The following TMEM132D variants were observed in gnomAD, a reference collection of about 807,000 sequenced individuals.
TMEM132D encodes the protein mature OL transmembrane protein.
Under a neutral mutation model 62.3 loss-of-function variants are expected in TMEM132D, and 21 were observed. The ratio of observed to expected loss-of-function variants is 0.34; its 90% CI spans 0.24 to 0.49. TMEM132D has a LOEUF of 0.49. Among genes scored for constraint, TMEM132D ranks in the 20% least tolerant of loss-of-function variants. The pLI is 0.99. For synonymous variants in TMEM132D, 621 were observed against 575.6 expected (o/e 1.08, Z -1.13); for missense variants, 1,346 against 1,402.8 (o/e 0.96, Z 0.65).
At chr12:129,796,316 C>T (rs1293410048) in intron 1 of TMEM132D, among the ~76,000 whole-genome samples, 1 of 151,976 alleles carries the variant, frequency 6.6e-6, no homozygotes, top group Non-Finnish European at 1.5e-5. Context: ...CTCATTTGTT[C>T]CAATTTTTGT....
In TMEM132D at chr12:129,477,055, A is replaced by G. The variant is rs185172686; in HGVS notation, c.1115+54004T>C. On this transcript the variant is annotated intron_variant, in intron 3 of 8. Transcript: ENST00000422113. ...TGGTTTACGATCTCCTGGTTTCAGG[A>G]CGGTGCTTTTCTATGCACAAGAACT... Among the ~76,000 whole-genome samples, 8 of 152,256 alleles carry G rather than the reference A, an allele frequency of 5.3e-5. No homozygotes were observed. The East Asian group carries it at 1.5e-3, about 29-fold the overall frequency.
intron 5 of TMEM132D, among the ~76,000 whole-genome samples, chr12:129,188,082 C>T (rs148104103): frequency 2.6e-5 from 4 of 152,374 alleles, no homozygotes; most frequent in Non-Finnish European, 5.9e-5. Flanking sequence ...CACCCATCCT[C>T]TTTGCAACAG....
chr12:129,368,234 A>G (rs1375072975), intron 3 of TMEM132D, among the ~76,000 whole-genome samples: 2 of 143,068 alleles, frequency 1.4e-5, no homozygotes, highest in African/African-American at 2.6e-5. Context: ...CTGAAGATCT[A>G]CATATGCAAA....
At chr12:129,316,289 A>G (rs1214775833) in intron 4 of TMEM132D, among the ~76,000 whole-genome samples, 1 of 152,112 alleles carries the variant, frequency 6.6e-6, no homozygotes, top group Non-Finnish European at 1.5e-5. Context: ...TTAGGGTTAC[A>G]AACACTCCTC....
intron 4 of TMEM132D, among the ~76,000 whole-genome samples, chr12:129,255,277 T>C (rs760147373): frequency 3.9e-5 from 6 of 152,296 alleles, no homozygotes; most frequent in Admixed American, 2.0e-4. Flanking sequence ...TTCTTTATAG[T>C]AGTGTGAGAA....
chr12:129,842,523 C>A (rs1020696913), intron 1 of TMEM132D, among the ~76,000 whole-genome samples: 1 of 151,940 alleles, frequency 6.6e-6, no homozygotes, highest in East Asian at 1.9e-4. Flanking sequence ...GGCTGGAGTG[C>A]AGTAGTGTGA....
rs75429938 is a variant in TMEM132D, at chr12:129,560,215, C to G, written c.969-29010G>C. On this transcript the variant is annotated intron_variant, in intron 2 of 8. Coordinates refer to ENST00000422113, the MANE Select transcript of TMEM132D (RefSeq NM_133448.3). The stretch of plus-strand genomic sequence containing the variant: ...TTGAAAACACTTAACATTCAACATG[C>G]ATCTTCTTTGTGTCTGACACTTGTT... Among the ~76,000 whole-genome samples, 1,303 of 152,080 alleles carry G rather than the reference C, an allele frequency of 8.6e-3. 16 individuals are homozygous for G. The highest frequency in any genetic ancestry group is 0.028 in the African/African-American group (1,164 of 41,492).
intron 5 of TMEM132D, among the ~76,000 whole-genome samples, chr12:129,172,724 A>G (rs1002488786): frequency 1.4e-4 from 21 of 152,138 alleles, no homozygotes; most frequent in African/African-American, 4.8e-4. Context: ...GATTACAGGC[A>G]TGCACCACCA....
intron 2 of TMEM132D, among the ~76,000 whole-genome samples, chr12:129,639,505 C>G (rs937057325): frequency 2.6e-5 from 4 of 151,794 alleles, no homozygotes; most frequent in Admixed American, 2.6e-4. Context: ...AGTTCCTGCT[C>G]ATTTTCTTTC....
At chr12:129,646,600 A>G (rs1306876585) in intron 2 of TMEM132D, among the ~76,000 whole-genome samples, 1 of 151,706 alleles carries the variant, frequency 6.6e-6, no homozygotes, top group Non-Finnish European at 1.5e-5. Flanking sequence ...TACTCTCTGG[A>G]CTCTCTCTCT....
At chr12:129,392,810 G>A (rs1871323628) in intron 3 of TMEM132D, among the ~76,000 whole-genome samples, 1 of 152,166 alleles carries the variant, frequency 6.6e-6, no homozygotes, top group Middle Eastern at 3.2e-3. Flanking sequence ...ACCCAATATG[G>A]CAAACTCGAA....
intron 2 of TMEM132D, among the ~76,000 whole-genome samples, chr12:129,636,952 G>C (rs1418423259): frequency 6.6e-6 from 1 of 151,992 alleles, no homozygotes; most frequent in African/African-American, 2.4e-5. Context: ...ATTATGTTAT[G>C]TACATAGAAG....
At chr12:129,318,157 T>C (rs909421560) in intron 4 of TMEM132D, among the ~76,000 whole-genome samples, 1 of 152,206 alleles carries the variant, frequency 6.6e-6, no homozygotes, top group Non-Finnish European at 1.5e-5. Context: ...CAGAGATTTC[T>C]TCTTGGTTTG....
chr12:129,183,811 G>A (rs189037479), intron 5 of TMEM132D, among the ~76,000 whole-genome samples: 1 of 145,362 alleles, frequency 6.9e-6, no homozygotes, highest in Non-Finnish European at 1.5e-5. Flanking sequence ...TTGGGTAGGG[G>A]CACGGATGAT....
chr12:129,092,303 C>CTTTTTTTTTTT (rs3045890), intron 5 of TMEM132D, among the ~76,000 whole-genome samples: 1 of 133,904 alleles, frequency 7.5e-6, no homozygotes, highest in Non-Finnish European at 1.6e-5. Flanking sequence ...TCTCTCTTTC[C>CTTTTTTTTTTT]TTTTTTTTTT....
intron 4 of TMEM132D, among the ~76,000 whole-genome samples, chr12:129,331,001 G>A (rs1334946047): frequency 2.0e-5 from 3 of 152,044 alleles, no homozygotes; most frequent in African/African-American, 2.4e-5. Context: ...AGAATCCTCC[G>A]ACTTGCCCGC....
chr12:129,828,804 A>AAGAAAAGGAGGGAGGGAGGGAGGGAGGC (rs1872743276), intron 1 of TMEM132D, among the ~76,000 whole-genome samples: 1 of 85,366 alleles, frequency 1.2e-5, no homozygotes, highest in African/African-American at 4.8e-5. Flanking sequence ...GGGAGGGAGG[A>AAGAAAAGGAGGGAGGGAGGGAGGGAGGC]AAGGAAGGGA....
intron 2 of TMEM132D, among the ~76,000 whole-genome samples, chr12:129,595,717 A>G (rs373903741): frequency 2.6e-5 from 4 of 152,190 alleles, no homozygotes; most frequent in African/African-American, 9.6e-5. Flanking sequence ...TGGGGGCCAG[A>G]TGATAGGTGT....
chr12:129,514,702 G>T (rs1322056848), intron 3 of TMEM132D, among the ~76,000 whole-genome samples: 5 of 152,178 alleles, frequency 3.3e-5, no homozygotes, highest in Admixed American at 3.3e-4. Context: ...GAACAGGAGA[G>T]AACGGCTGCA....
Sources: allele counts gnomAD v4.1 joint callset (sites outside exome capture counted in the v4.1 genomes callset), GRCh38; gene constraint gnomAD v4.1.1; transcripts MANE v1.5; gene names NCBI Gene and HGNC (gene_info 2026-07-23, HGNC 2026-07-21).